LNX1: variants seen among roughly 807,000 people sequenced by gnomAD.
LNX1 encodes E3 ubiquitin-protein ligase LNX.
In LNX1, 54 loss-of-function variants were observed where a neutral mutation model predicts 68.4. That is an observed-to-expected ratio of 0.79 (90% CI 0.63 to 0.99). The LOEUF is 0.99. Ranked by LOEUF, LNX1 falls within the 50% of genes least tolerant of loss-of-function variation. The pLI, the probability that LNX1 is intolerant of heterozygous loss-of-function variation, is 0.00. For missense variants in LNX1, 906 were observed against 926.4 expected, an observed-to-expected ratio of 0.98 and a Z score of 0.29; for synonymous variants, 336 against 350.0, an observed-to-expected ratio of 0.96 and a Z score of 0.45.
At chr4:53,519,259 C>T (rs957848921) in intron 2 of LNX1, among the ~76,000 whole-genome samples, 2 of 152,176 alleles carry the variant, frequency 1.3e-5, no homozygotes, top group Non-Finnish European at 2.9e-5. Context: ...AGAGAAAGCA[C>T]CTTAGTCCAG....
intron 6 of LNX1, 51 bp downstream of exon 6, chr4:53,495,972 T>C: frequency 2.5e-6 from 4 of 1,571,030 alleles, no homozygotes; most frequent in East Asian, 2.2e-5. Flanking sequence ...TGTGCATTCT[T>C]GCTCATGTCC....
exon 1 of LNX1, chr4:53,617,346 A>C (rs1376450175): frequency 6.6e-6 from 1 of 152,206 alleles, no homozygotes; most frequent in Non-Finnish European, 1.5e-5. Flanking sequence ...GCAGTAAAAG[A>C]TGGTTCAATA....
intron 2 of LNX1, among the ~76,000 whole-genome samples, chr4:53,564,293 C>T (rs1730491198): frequency 6.6e-6 from 1 of 152,194 alleles, no homozygotes; most frequent in Non-Finnish European, 1.5e-5. Context: ...CATCTTTCTC[C>T]TGAAGACCTC....
chr4:53,548,417 A>G (rs903822810), intron 2 of LNX1, among the ~76,000 whole-genome samples: 1 of 152,244 alleles, frequency 6.6e-6, no homozygotes, highest in African/African-American at 2.4e-5. Context: ...TAGTATATGT[A>G]TATAATTTTA....
Position 53,529,102 on chromosome 4 carries a change from AAC to A in LNX1, c.381-20877_381-20876del, listed in dbSNP as rs201017055. Among the ~76,000 whole-genome samples the A allele has an allele frequency of 8.6e-3, 1,186 of 138,382 alleles. 7 individuals carry two copies. Among genetic ancestry groups the A allele is most frequent in the African/African-American group, 0.022 (856 of 38,442 alleles). The allele number at this position is 138,382 out of a possible 152,430, so 90.8% of individuals were successfully genotyped here. A position where few individuals can be genotyped will look rare whatever the true frequency, so the allele number is the denominator to read the frequency against. ...CAATTACAGCTTAAGAGTCCTGACC[AAC>A]ACACACACACACACACACACACACA... On this transcript the variant is annotated intron_variant, in intron 2 of 10. Coordinates refer to ENST00000263925, the MANE Select transcript of LNX1 (RefSeq NM_001126328.3).
chr4:53,595,944 T>C (rs1732732886), upstream of LNX1, among the ~76,000 whole-genome samples: 1 of 144,232 alleles, frequency 6.9e-6, no homozygotes, highest in African/African-American at 2.6e-5. Flanking sequence ...ACATATTCCA[T>C]TTGACTTTAA....
chr4:53,460,072 A>G lies in LNX1; in HGVS notation c.*835T>C, dbSNP rs1056438325. 2 of 197,480 alleles carry G rather than the reference A, an allele frequency of 1.0e-5. No homozygotes were observed. The highest frequency in any genetic ancestry group is 4.6e-5 in the African/African-American group (2 of 43,072). 12.2% of individuals were successfully genotyped at this position (197,480 alleles called of 1,614,324 possible). A position where few individuals can be genotyped will look rare whatever the true frequency, so the allele number is the denominator to read the frequency against. ...TATGAAATAAATTAATTAATTACCC[A>G]TAGTGTAGTTTCTAGGAGGCATGTG... is the stretch of plus-strand genomic sequence containing the variant. On this transcript the variant is annotated 3_prime_UTR_variant, in exon 11 of 11. Transcript: ENST00000263925.
Position 53,508,320 on chromosome 4 carries a change from A to C in LNX1, c.381-93T>G, listed in dbSNP as rs1401807546. 7 of 1,471,422 alleles carry C rather than the reference A, an allele frequency of 4.8e-6. No homozygotes were observed. In the East Asian group the frequency reaches 1.4e-4, roughly 29 times the overall value. The allele number at this position is 1,471,422 out of a possible 1,614,324, so 91.1% of individuals were successfully genotyped here. On this transcript the variant is annotated intron_variant, in intron 2 of 10. Transcript: ENST00000263925. ...TTCAAATACAATTGAAGAATGTATA[A>C]TAGGCTTGTTGAACTTGGAATTTGA...
intron 2 of LNX1, among the ~76,000 whole-genome samples, chr4:53,552,270 C>G (rs369343580): frequency 6.6e-6 from 1 of 152,104 alleles, no homozygotes; most frequent in East Asian, 1.9e-4. Flanking sequence ...AAAGCGAGTC[C>G]CAAACTAACT....
chr4:53,565,418 C>A (rs1730597787), intron 2 of LNX1, among the ~76,000 whole-genome samples: 1 of 151,596 alleles, frequency 6.6e-6, no homozygotes, highest in Admixed American at 6.6e-5. Flanking sequence ...GGTACTCCAA[C>A]AGACCTGCAG....
chr4:53,470,627 GCA>G (rs1723090787), intron 9 of LNX1, among the ~76,000 whole-genome samples: 3 of 152,146 alleles, frequency 2.0e-5, no homozygotes, highest in Admixed American at 6.5e-5. Flanking sequence ...AAGCTGATAA[GCA>G]ACTTCAGCAA....
Position 53,496,377 on chromosome 4 carries a change from G to C in LNX1, c.996C>G (p.Ile332Met). The C allele has an allele frequency of 6.2e-7, 1 of 1,609,894 alleles. No homozygotes were observed. Among genetic ancestry groups the C allele is most frequent in the Non-Finnish European group, 8.5e-7 (1 of 1,177,018 alleles). ...DIILKVNGMD[I>M]SNVPHNYAVR... The stretch of plus-strand genomic sequence containing the variant: ...CAGCGTAGTTGTGAGGGACATTGCT[G>C]ATGTCCATCCCGTTGACCTGGGGGC... Residue 332 changes from isoleucine (I) to methionine (M), a missense_variant, in exon 6 of 11, where the codon ATC becomes ATG. Coordinates refer to ENST00000263925, the MANE Select transcript of LNX1 (RefSeq NM_001126328.3).
intron 2 of LNX1, among the ~76,000 whole-genome samples, chr4:53,528,358 TATGCTATGTCACA>T (rs1727774588): frequency 6.6e-6 from 1 of 152,360 alleles, no homozygotes; most frequent in Non-Finnish European, 1.5e-5. Context: ...ATAGTAGCCA[TATGCTATGTCACA>T]ATGCTATGTC....
intron 1 of LNX1, 123 bp downstream of exon 1, chr4:53,591,265 T>C (rs1285984869): frequency 2.0e-6 from 1 of 490,434 alleles, no homozygotes. Flanking sequence ...AGCTTCTCCC[T>C]CTGGGGCAAA....
At chr4:53,571,301 G>A (rs563175316) in intron 2 of LNX1, among the ~76,000 whole-genome samples, 8 of 152,038 alleles carry the variant, frequency 5.3e-5, no homozygotes, top group East Asian at 1.9e-4. Context: ...TTACAGGTGT[G>A]AGCCTCCATG....
chr4:53,493,501 T>C (rs1724844784), intron 6 of LNX1, among the ~76,000 whole-genome samples: 1 of 152,188 alleles, frequency 6.6e-6, no homozygotes, highest in Non-Finnish European at 1.5e-5. Context: ...AGGTCTACAA[T>C]GACAGTAATA....
intron 2 of LNX1, among the ~76,000 whole-genome samples, chr4:53,605,237 G>T (rs1040783471): frequency 3.3e-5 from 5 of 152,098 alleles, no homozygotes; most frequent in African/African-American, 1.2e-4. Context: ...TAGCCATTTT[G>T]GAAAATACAA....
intron 9 of LNX1, among the ~76,000 whole-genome samples, chr4:53,465,145 A>C (rs1722578049): frequency 6.6e-6 from 1 of 152,192 alleles, no homozygotes; most frequent in African/African-American, 2.4e-5. Context: ...TGCAGGAAAT[A>C]TTAAGCTCAG....
upstream of LNX1, among the ~76,000 whole-genome samples, chr4:53,618,937 A>T (rs963366369): frequency 5.3e-5 from 8 of 152,030 alleles, no homozygotes; most frequent in Admixed American, 4.6e-4. Flanking sequence ...ATTTTTGTAG[A>T]TACAGGGTCT....
Sources: allele counts gnomAD v4.1 joint callset (sites outside exome capture counted in the v4.1 genomes callset), GRCh38; gene constraint gnomAD v4.1.1; transcripts MANE v1.5; gene names NCBI Gene and HGNC (gene_info 2026-07-23, HGNC 2026-07-21).